The following FAM120A variants were observed in gnomAD, a reference collection of about 807,000 sequenced individuals.
The protein encoded by FAM120A is constitutive coactivator of PPAR-gamma-like protein 1.
A neutral mutation model predicts 109.7 loss-of-function variants in FAM120A; 15 were observed. The ratio of observed to expected loss-of-function variants is 0.14; its 90% CI spans 0.09 to 0.21. FAM120A has a LOEUF of 0.21. Among genes scored for constraint, FAM120A ranks in the 10% least tolerant of loss-of-function variants. The probability of loss-of-function intolerance (pLI) is 1.00; values close to 1 mark genes in which losing one functional copy is unlikely to be tolerated. For synonymous variants in FAM120A, 493 were observed against 572.8 expected, an observed-to-expected ratio of 0.86 and a Z score of 1.99; for missense variants, 899 against 1,439.3, an observed-to-expected ratio of 0.62 and a Z score of 6.07.
intron 1 of FAM120A, among the ~76,000 whole-genome samples, chr9:93,461,558 A>C (rs923841216): frequency 2.0e-5 from 3 of 152,222 alleles, no homozygotes; most frequent in Non-Finnish European, 4.4e-5. Context: ...TCATTAGATT[A>C]CTAGAGTAGG....
chr9:93,485,821 A>G (rs1564320734), intron 3 of FAM120A, among the ~76,000 whole-genome samples: 1 of 151,964 alleles, frequency 6.6e-6, no homozygotes, highest in Non-Finnish European at 1.5e-5. Flanking sequence ...CCCTTGGCCA[A>G]CCACTAATAT....
intron 1 of FAM120A, among the ~76,000 whole-genome samples, chr9:93,457,033 A>C (rs998688090): frequency 6.6e-6 from 1 of 152,208 alleles, no homozygotes; most frequent in Non-Finnish European, 1.5e-5. Flanking sequence ...TAATGTCTTC[A>C]AGCTTCTTTC....
At chr9:93,505,355 C>T (rs771450301) in intron 5 of FAM120A, among the ~76,000 whole-genome samples, 10 of 152,206 alleles carry the variant, frequency 6.6e-5, no homozygotes, top group South Asian at 2.1e-4. Flanking sequence ...CCACTGCGCC[C>T]GGCCTGTTCG....
At chr9:93,536,948 C>T (rs561550836) in intron 10 of FAM120A, among the ~76,000 whole-genome samples, 40 of 152,256 alleles carry the variant, frequency 2.6e-4, no homozygotes, top group African/African-American at 8.7e-4. Flanking sequence ...CAGTGGTGCA[C>T]GTAGAAGAGA....
At position 93,459,834 on chromosome 9, in the gene FAM120A, A is replaced by G. The variant is rs184987286; in HGVS notation, c.474+7445A>G. On this transcript the variant is annotated intron_variant, in intron 1 of 17. Coordinates refer to ENST00000277165, the MANE Select transcript of FAM120A (RefSeq NM_014612.5). ...TTCTACAGTGCACAGAACAGCCCCC[A>G]TAGCAAAGAATAATGTGGCCTAAAA... Among the ~76,000 whole-genome samples the G allele has an allele frequency of 7.1e-4, 108 of 152,332 alleles. No homozygotes were observed. In the East Asian group the frequency reaches 0.019, roughly 26 times the overall value.
intron 11 of FAM120A, among the ~76,000 whole-genome samples, chr9:93,550,325 T>G (rs926191705): frequency 1.3e-5 from 2 of 152,264 alleles, no homozygotes; most frequent in Non-Finnish European, 2.9e-5. Context: ...AATCACTGAC[T>G]AGCTAGTTTT....
chr9:93,545,780 C>CTTTTTTTTTTT lies in FAM120A; in HGVS notation c.2159+2325_2159+2335dup, dbSNP rs774150537. The stretch of plus-strand genomic sequence containing the variant: ...GAAGACTGGCTGATGGGAAAGACTC[C>CTTTTTTTTTTT]TTTTTTTTTTTTTTTTTTTTTTTTT... On this transcript the variant is annotated intron_variant, in intron 11 of 17. Transcript: ENST00000277165. Among the ~76,000 whole-genome samples the CTTTTTTTTTTT allele has an allele frequency of 1.2e-3, 81 of 65,502 alleles. 9 individuals carry two copies. Among genetic ancestry groups the CTTTTTTTTTTT allele is most frequent in the East Asian group, 2.1e-3 (4 of 1,936 alleles). The allele number at this position is 65,502 out of a possible 152,430, so 43.0% of individuals were successfully genotyped here. A position where few individuals can be genotyped will look rare whatever the true frequency, so the allele number is the denominator to read the frequency against.
intron 3 of FAM120A, 45 bp from the exon 4 acceptor site, chr9:93,497,426 T>C (rs760401202): frequency 3.2e-5 from 52 of 1,607,926 alleles, no homozygotes; most frequent in Non-Finnish European, 4.1e-5. Context: ...AGCCTGGTAC[T>C]GGTTGCTCAC....
At position 93,532,122 on chromosome 9, in the gene FAM120A, G is replaced by A. The variant is rs766458670; in HGVS notation, c.1735-33G>A. ...GTATTGTAAATTCAACATGAAAAAT[G>A]TGCAATGTTATTCTGCTTTCTTCCA... On this transcript the variant is annotated intron_variant, in intron 9 of 17. Coordinates refer to ENST00000277165, the MANE Select transcript of FAM120A (RefSeq NM_014612.5). This position sits in a 1 kb window ranked among gnomAD's most constrained non-coding sequence, Gnocchi z 4.3. 2 of 1,594,060 alleles carry A rather than the reference G, an allele frequency of 1.3e-6. No homozygotes were observed. Among genetic ancestry groups the A allele is most frequent in the Non-Finnish European group, 1.7e-6 (2 of 1,164,336 alleles).
chr9:93,479,730 C>G (rs1291476888), intron 3 of FAM120A, among the ~76,000 whole-genome samples: 3 of 152,202 alleles, frequency 2.0e-5, no homozygotes, highest in Non-Finnish European at 4.4e-5. Flanking sequence ...TAAGTAGCAT[C>G]CTTAGACTCA....
chr9:93,460,014 A>G (rs946001946), intron 1 of FAM120A, among the ~76,000 whole-genome samples: 1 of 152,222 alleles, frequency 6.6e-6, no homozygotes, highest in African/African-American at 2.4e-5. Context: ...TTCTGAATCA[A>G]AATACACGCA....
At chr9:93,528,080 C>T (rs1861164618) in intron 8 of FAM120A, among the ~76,000 whole-genome samples, 2 of 152,192 alleles carry the variant, frequency 1.3e-5, no homozygotes, top group Non-Finnish European at 2.9e-5. Context: ...GCCTGAATAT[C>T]AGACGTTTGT....
At chr9:93,469,475 A>G (rs1242217864) in intron 1 of FAM120A, among the ~76,000 whole-genome samples, 1 of 152,226 alleles carries the variant, frequency 6.6e-6, no homozygotes, top group Non-Finnish European at 1.5e-5. Flanking sequence ...TCTGGAAAAA[A>G]GCCAGTAATT....
intron 3 of FAM120A, among the ~76,000 whole-genome samples, chr9:93,488,716 A>G (rs1430445691): frequency 1.3e-5 from 2 of 152,004 alleles, no homozygotes; most frequent in Non-Finnish European, 2.9e-5. Flanking sequence ...CCTGCCATTC[A>G]TCCAAGGTAG....
intron 7 of FAM120A, among the ~76,000 whole-genome samples, chr9:93,517,287 A>G (rs1237707960): frequency 6.6e-6 from 1 of 152,230 alleles, no homozygotes; most frequent in African/African-American, 2.4e-5. Context: ...ATAAATGTTT[A>G]TTTGCTGTAT....
Position 93,542,151 on chromosome 9 carries a change from C to T in FAM120A, c.1910-1071C>T, listed in dbSNP as rs901729700. 6.6e-5 allele frequency among the ~76,000 whole-genome samples: 10 copies of T among 152,248 alleles called. No homozygotes were observed. In the East Asian group the frequency reaches 7.7e-4, roughly 12 times the overall value. On this transcript the variant is annotated intron_variant, in intron 10 of 17. Transcript: ENST00000277165. ...GAGTTTATGATAGCATCCTGGTCTC[C>T]GTACAGACACTGGCCTTGGAGTGGG...
At chr9:93,463,504 C>T (rs1346813339) in intron 1 of FAM120A, among the ~76,000 whole-genome samples, 1 of 152,134 alleles carries the variant, frequency 6.6e-6, no homozygotes. Context: ...AAATCTGCCA[C>T]CAAATTGGAG....
chr9:93,452,489 G>A lies in FAM120A; in HGVS notation c.474+100G>A. 1 of 1,544,378 alleles carries A rather than the reference G, an allele frequency of 6.5e-7. No homozygotes were observed. On this transcript the variant is annotated intron_variant, in intron 1 of 17. Transcript: ENST00000277165. This position sits in a 1 kb window ranked among gnomAD's most constrained non-coding sequence, Gnocchi z 7.0. ...TGTCGCCCGGCCGTGGCGGCGCTGGGGGCAGCGAGTTCCCCCAGCCCTTGC... is the reference window on the plus strand; with the variant it reads ...TGTCGCCCGGCCGTGGCGGCGCTGGAGGCAGCGAGTTCCCCCAGCCCTTGC...
chr9:93,504,604 A>G (rs1420712470), intron 5 of FAM120A, among the ~76,000 whole-genome samples: 2 of 152,166 alleles, frequency 1.3e-5, no homozygotes, highest in African/African-American at 2.4e-5. Context: ...TAATATTTAT[A>G]TTATTGTGTT....
Sources: gnomAD v4.1 joint callset for allele counts (sites outside exome capture counted in the v4.1 genomes callset) on GRCh38, gnomAD v4.1.1 for gene constraint, Gnocchi (gnomAD v3.1) non-coding constraint, MANE v1.5 for transcripts, NCBI Gene and HGNC (gene_info 2026-07-23, HGNC 2026-07-21) for gene names.